The following SFSWAP variants were observed in gnomAD, a reference collection of about 807,000 sequenced individuals.
The protein encoded by SFSWAP is splicing factor SWAP, also known as splicing factor, suppressor of white-apricot homolog.
Under a neutral mutation model 100.7 loss-of-function variants are expected in SFSWAP, and 17 were observed. That is an observed-to-expected ratio of 0.17 (90% CI 0.12 to 0.25). The LOEUF is 0.25. Ranked by LOEUF, SFSWAP falls within the 10% of genes least tolerant of loss-of-function variation. The pLI is 1.00. For synonymous variants in SFSWAP, 504 were observed against 510.1 expected (o/e 0.99, Z 0.16); for missense variants, 1,005 against 1,262.6 (o/e 0.80, Z 3.09).
At chr12:131,781,790 T>G (rs951590047) in intron 14 of SFSWAP, among the ~76,000 whole-genome samples, 2 of 152,212 alleles carry the variant, frequency 1.3e-5, no homozygotes, top group African/African-American at 4.8e-5. Context: ...TACATACTTC[T>G]AGTTAATTTT....
At chr12:131,743,260 C>CA (rs762697499) in intron 7 of SFSWAP, among the ~76,000 whole-genome samples, 4 of 152,248 alleles carry the variant, frequency 2.6e-5, no homozygotes, top group Non-Finnish European at 5.9e-5. Flanking sequence ...AGCATTAACT[C>CA]AAAGTCCACA....
chr12:131,712,988 C>T (rs1279990905), intron 1 of SFSWAP: 2 of 152,182 alleles, frequency 1.3e-5, no homozygotes, highest in Admixed American at 6.5e-5. Flanking sequence ...AGGAGGTTTA[C>T]ATCAAAATCC....
intron 7 of SFSWAP, among the ~76,000 whole-genome samples, chr12:131,752,088 A>G (rs910857903): frequency 6.6e-6 from 1 of 152,204 alleles, no homozygotes; most frequent in African/African-American, 2.4e-5. Flanking sequence ...CCAATCTAAG[A>G]TGGAAAGGTC....
Position 131,754,324 on chromosome 12 carries a change from C to CG in SFSWAP, c.1323-43dup, listed in dbSNP as rs759384097. 5.6e-5 allele frequency: 81 copies of CG among 1,454,506 alleles called. 1 individual carries two copies. In the Middle Eastern group the frequency reaches 1.4e-3, roughly 24 times the overall value. 90.1% of individuals were successfully genotyped at this position (1,454,506 alleles called of 1,614,324 possible). The stretch of plus-strand genomic sequence containing the variant: ...CCCGAGCAGCCAGGACTGAGCTTGG[C>CG]GAGCCCCTGAAGCCCAGGGGTCTCA... On this transcript the variant is annotated intron_variant, in intron 8 of 17. Coordinates refer to ENST00000261674, the MANE Select transcript of SFSWAP (RefSeq NM_004592.4).
chr12:131,737,142 T>G (rs964575486), intron 7 of SFSWAP, among the ~76,000 whole-genome samples: 16 of 152,166 alleles, frequency 1.1e-4, no homozygotes, highest in Admixed American at 3.3e-4. Context: ...TGCAGAGCTC[T>G]GGGGGTGGGC....
At chr12:131,785,330 GCCCTCC>G in intron 14 of SFSWAP, 1 of 1,122,740 alleles carries the variant, frequency 8.9e-7, no homozygotes, top group Non-Finnish European at 1.3e-6. Flanking sequence ...GCCACTCCTG[GCCCTCC>G]AGGATGCCGG....
chr12:131,774,597 A>C (rs1245847787), intron 13 of SFSWAP, among the ~76,000 whole-genome samples: 1 of 152,216 alleles, frequency 6.6e-6, no homozygotes, highest in Non-Finnish European at 1.5e-5. Flanking sequence ...AATATTAAAA[A>C]TGCATCTCAA....
At chr12:131,796,542 T>TATCACCAAGCGGC (rs1209354386) in intron 15 of SFSWAP, 4 of 152,436 alleles carry the variant, frequency 2.6e-5, no homozygotes, top group African/African-American at 9.7e-5. Context: ...GGCTAAGCGG[T>TATCACCAAGCGGC]ATCACCAAGC....
chr12:131,737,731 C>T lies in SFSWAP; in HGVS notation c.1081+9303C>T, dbSNP rs545612530. On this transcript the variant is annotated intron_variant, in intron 7 of 17. Coordinates refer to ENST00000261674, the MANE Select transcript of SFSWAP (RefSeq NM_004592.4). ...GTCGTTCTTTCTTATTTACTTCCTA[C>T]TGATGGAGATTTTCCTACATTTTGG... 3.9e-5 allele frequency among the ~76,000 whole-genome samples: 6 copies of T among 152,132 alleles called. No homozygotes were observed. In the South Asian group the frequency reaches 6.2e-4, roughly 16 times the overall value.
At chr12:131,749,493 C>T (rs185575261) in intron 7 of SFSWAP, among the ~76,000 whole-genome samples, 66 of 152,284 alleles carry the variant, frequency 4.3e-4, no homozygotes, top group African/African-American at 1.5e-3. Context: ...TTAGTGTTCA[C>T]GAGAATTGCT....
At chr12:131,755,723 C>CA (rs1040984612) in intron 10 of SFSWAP, among the ~76,000 whole-genome samples, 13 of 152,026 alleles carry the variant, frequency 8.6e-5, no homozygotes, top group Non-Finnish European at 1.6e-4. Flanking sequence ...TCTAAACAAA[C>CA]AAAAAAAATC....
chr12:131,723,135 T>G (rs73160770), intron 4 of SFSWAP: 2 of 152,064 alleles, frequency 1.3e-5, no homozygotes, highest in African/African-American at 4.8e-5. Flanking sequence ...TTGTGCAGAT[T>G]AGAGCATTAT....
At chr12:131,719,740 G>A (rs1878292234) in intron 4 of SFSWAP, among the ~76,000 whole-genome samples, 1 of 152,212 alleles carries the variant, frequency 6.6e-6, no homozygotes, top group Non-Finnish European at 1.5e-5. Flanking sequence ...AAAAGAGCTA[G>A]ACTGGAGCAT....
At chr12:131,740,980 T>TC (rs2136207963) in intron 7 of SFSWAP, among the ~76,000 whole-genome samples, 1 of 138,434 alleles carries the variant, frequency 7.2e-6, no homozygotes, top group South Asian at 2.5e-4. Flanking sequence ...TTTTTTTTTT[T>TC]TTTTTTTTTT....
intron 4 of SFSWAP, among the ~76,000 whole-genome samples, chr12:131,721,606 AT>A (rs1272953165): frequency 1.3e-5 from 2 of 152,116 alleles, no homozygotes; most frequent in African/African-American, 4.8e-5. Context: ...AAATTTTTTA[AT>A]TTTTTATTCA....
chr12:131,782,931 G>A (rs543517357), intron 14 of SFSWAP, among the ~76,000 whole-genome samples: 6 of 152,034 alleles, frequency 3.9e-5, no homozygotes, highest in Non-Finnish European at 8.8e-5. Context: ...CTATAATCCC[G>A]GCTCTTAAGG....
rs143687668 is a variant in SFSWAP, at chr12:131,759,197, T to A, written c.1720+2553T>A. Among the ~76,000 whole-genome samples the A allele has an allele frequency of 1.9e-4, 29 of 152,304 alleles. 1 individual carries two copies. The South Asian group carries it at 3.9e-3, about 21-fold the overall frequency. On this transcript the variant is annotated intron_variant, in intron 11 of 17. Transcript: ENST00000261674. ...TGAATTTGAAAATCAGTGAAAAATA[T>A]CGCTTTCTAAGAAAACATAAGTGCT...
At chr12:131,735,239 A>G (rs1593127225) in intron 7 of SFSWAP, among the ~76,000 whole-genome samples, 2 of 152,310 alleles carry the variant, frequency 1.3e-5, no homozygotes, top group South Asian at 2.1e-4. Context: ...CATCATCCCT[A>G]CACGCCCGCG....
At chr12:131,789,021 C>T (rs780429174) in intron 15 of SFSWAP, among the ~76,000 whole-genome samples, 1 of 151,966 alleles carries the variant, frequency 6.6e-6, no homozygotes, top group South Asian at 2.1e-4. Flanking sequence ...ACTCCCATTG[C>T]GCTGGCTGGA....
Sources: gnomAD v4.1 joint callset for allele counts (sites outside exome capture counted in the v4.1 genomes callset) on GRCh38, gnomAD v4.1.1 for gene constraint, MANE v1.5 for transcripts, NCBI Gene and HGNC (gene_info 2026-07-23, HGNC 2026-07-21) for gene names.